IL23R: variants seen among roughly 807,000 people sequenced by gnomAD.
The protein encoded by IL23R is interleukin 23 receptor, also known as interleukin-23 receptor.
Under a neutral mutation model 56.9 loss-of-function variants are expected in IL23R, and 34 were observed. The observed-to-expected ratio is 0.60, with a 90% CI of 0.45 to 0.80. IL23R has a LOEUF of 0.80. Among genes scored for constraint, IL23R ranks in the 30% least tolerant of loss-of-function variants. The probability of loss-of-function intolerance (pLI) is 0.00; values close to 1 mark genes in which losing one functional copy is unlikely to be tolerated. For missense variants in IL23R, 635 were observed against 730.0 expected (o/e 0.87, Z 1.50); for synonymous variants, 230 against 249.2 (o/e 0.92, Z 0.73).
chr1:67,169,787 A>AG (rs780097985), intron 3 of IL23R, 149 bp downstream of exon 3: 24 of 777,698 alleles, frequency 3.1e-5, no homozygotes, highest in South Asian at 1.2e-4. Flanking sequence ...AAATGTCTCC[A>AG]GGGCCAGGTT....
chr1:67,233,379 C>T (rs905359450), intron 7 of IL23R, among the ~76,000 whole-genome samples: 2 of 151,222 alleles, frequency 1.3e-5, no homozygotes, highest in Non-Finnish European at 2.9e-5. Flanking sequence ...AAAAAAAATC[C>T]GGTTTTGATT....
chr1:67,151,099 C>T (rs1393679349), intron 1 of IL23R, among the ~76,000 whole-genome samples: 1 of 152,208 alleles, frequency 6.6e-6, no homozygotes. Flanking sequence ...TATTTCTCCG[C>T]AGCCTCACCA....
intron 7 of IL23R, 25 bp downstream of exon 7, chr1:67,219,755 C>G (rs1433234628): frequency 6.2e-7 from 1 of 1,605,776 alleles, no homozygotes; most frequent in Non-Finnish European, 8.5e-7. Context: ...ATATTTTATT[C>G]TGTTGGGCTT....
chr1:67,166,508 G>C lies in IL23R; in HGVS notation c.-63G>C, dbSNP rs1646875221. ...CCAACAAGGGTGGCAGCCTGGCTCT[G>C]AAGTGGAATTATGTGCTTCAAACAG... is the stretch of plus-strand genomic sequence containing the variant. On this transcript the variant is annotated 5_prime_UTR_variant, in exon 1 of 11. An upstream open reading frame in the 5' UTR loses its in-frame stop. Transcript: ENST00000347310. 1 of 152,396 alleles carries C rather than the reference G, an allele frequency of 6.6e-6. No homozygotes were observed. The highest frequency in any genetic ancestry group is 2.4e-5 in the African/African-American group (1 of 41,462). The allele number at this position is 152,396 out of a possible 1,614,324, so 9.4% of individuals were successfully genotyped here.
chr1:67,158,675 T>G (rs1343160805), intron 1 of IL23R, among the ~76,000 whole-genome samples: 2 of 152,150 alleles, frequency 1.3e-5, no homozygotes, highest in African/African-American at 4.8e-5. Flanking sequence ...GTCCTCAGTT[T>G]GGTCTGGTGT....
At chr1:67,170,441 G>A (rs1048031314) in intron 3 of IL23R, among the ~76,000 whole-genome samples, 1 of 151,986 alleles carries the variant, frequency 6.6e-6, no homozygotes, top group Non-Finnish European at 1.5e-5. Context: ...CACCTTGAAG[G>A]GAATAATTAT....
intron 6 of IL23R, among the ~76,000 whole-genome samples, chr1:67,211,072 T>G (rs902819232): frequency 2.6e-5 from 4 of 152,232 alleles, no homozygotes; most frequent in Non-Finnish European, 5.9e-5. Context: ...TTTACCTTTG[T>G]TCACTCAAAT....
intron 1 of IL23R, among the ~76,000 whole-genome samples, chr1:67,143,570 G>A: frequency 6.6e-6 from 1 of 152,180 alleles, no homozygotes; most frequent in East Asian, 1.9e-4. Flanking sequence ...CAATGGGTGA[G>A]GAGGCTGGAG....
At chr1:67,226,380 G>A (rs138661977) in intron 7 of IL23R, among the ~76,000 whole-genome samples, 29 of 152,282 alleles carry the variant, frequency 1.9e-4, no homozygotes, top group African/African-American at 5.1e-4. Flanking sequence ...GGCTCTTAGC[G>A]GGATAGATAG....
At chr1:67,245,552 A>G (rs1262570546) in intron 9 of IL23R, among the ~76,000 whole-genome samples, 1 of 152,200 alleles carries the variant, frequency 6.6e-6, no homozygotes, top group Non-Finnish European at 1.5e-5. Context: ...CCTTTTCTGC[A>G]TCTATTCAGG....
the IL23R span, among the ~76,000 whole-genome samples, chr1:67,265,095 T>C: frequency 2.6e-5 from 4 of 152,164 alleles, no homozygotes; most frequent in African/African-American, 9.7e-5. Flanking sequence ...AAATCATAAA[T>C]AGCCAAACAC....
intron 7 of IL23R, among the ~76,000 whole-genome samples, chr1:67,223,263 A>G (rs1650419158): frequency 6.6e-6 from 1 of 152,104 alleles, no homozygotes; most frequent in Admixed American, 6.5e-5. Flanking sequence ...CTAAATAAAT[A>G]AATAAATAAA....
rs570888579 is a variant in IL23R, at chr1:67,257,921, C to T, written c.1240-557C>T. ...GTTTCACCATGTTGGCCAGGCTGGT[C>T]TTGAACTCCTGATCTCAAGTGATCT... On this transcript the variant is annotated intron_variant, in intron 10 of 10. Coordinates refer to ENST00000347310, the MANE Select transcript of IL23R (RefSeq NM_144701.3). 2.6e-5 allele frequency among the ~76,000 whole-genome samples: 4 copies of T among 152,146 alleles called. No individual in the cohort carries two copies. The South Asian group carries it at 6.2e-4, about 24-fold the overall frequency.
chr1:67,199,527 A>C (rs1569923), intron 4 of IL23R, among the ~76,000 whole-genome samples: 6 of 151,992 alleles, frequency 3.9e-5, no homozygotes, highest in African/African-American at 1.5e-4. Flanking sequence ...CAGTAGGCAC[A>C]GTGGCTAGGG....
intron 4 of IL23R, among the ~76,000 whole-genome samples, chr1:67,188,562 G>A (rs991309701): frequency 1.3e-5 from 2 of 152,172 alleles, no homozygotes; most frequent in African/African-American, 4.8e-5. Flanking sequence ...CTTGCATATA[G>A]GAAATGCTTA....
chr1:67,167,380 G>A (rs1037582846), intron 1 of IL23R, among the ~76,000 whole-genome samples: 7 of 152,170 alleles, frequency 4.6e-5, no homozygotes, highest in East Asian at 1.9e-4. Flanking sequence ...CAGATGAAAC[G>A]CTTTTTAGAG....
At position 67,182,959 on chromosome 1, in the gene IL23R, G is replaced by A. The variant is rs777727118; in HGVS notation, c.491G>A (p.Ser164Asn). 4 of 1,613,912 alleles carry A rather than the reference G, an allele frequency of 2.5e-6. No individual in the cohort carries two copies. Among genetic ancestry groups the A allele is most frequent in the Non-Finnish European group, 2.5e-6 (3 of 1,179,856 alleles). Residue 164 changes from serine (S) to asparagine (N), a missense_variant and splice_region_variant, in exon 4 of 11, where the codon AGT becomes AAT. By Grantham distance (46) the Ser-to-Asn change is conservative. Coordinates refer to ENST00000347310, the MANE Select transcript of IL23R (RefSeq NM_144701.3). ...IDTKYVVHVK[S>N]LETEEEQQYL... ...ACAAAATACGTGGTACATGTGAAGA[G>A]GTAGGTCACTTCCTCACGGCTTCAT... is the stretch of plus-strand genomic sequence containing the variant.
At chr1:67,143,376 T>A (rs1646655249) in intron 1 of IL23R, among the ~76,000 whole-genome samples, 1 of 152,092 alleles carries the variant, frequency 6.6e-6, no homozygotes, top group Non-Finnish European at 1.5e-5. Context: ...AAACAAGGAT[T>A]TTGAGTATAA....
chr1:67,176,384 T>C (rs934578880), intron 3 of IL23R, among the ~76,000 whole-genome samples: 1 of 152,100 alleles, frequency 6.6e-6, no homozygotes, highest in Admixed American at 6.6e-5. Flanking sequence ...GAGTACTGAT[T>C]GGCCTGACTT....
Sources: gnomAD v4.1 joint callset for allele counts (sites outside exome capture counted in the v4.1 genomes callset) on GRCh38, gnomAD v4.1.1 for gene constraint, MANE v1.5 for transcripts, NCBI Gene and HGNC (gene_info 2026-07-23, HGNC 2026-07-21) for gene names.